The following PCDHGB4 variants were observed in gnomAD, a reference collection of about 807,000 sequenced individuals.
The protein encoded by PCDHGB4 is protocadherin gamma-B4.
PCDHGB4 carries 38 observed loss-of-function variants against 60.5 expected under a neutral mutation model. The observed-to-expected ratio is 0.63, with a 90% confidence interval of 0.48 to 0.82. The LOEUF is 0.82. PCDHGB4 is among the 40% of genes least tolerant of loss of function. The probability of loss-of-function intolerance (pLI) is 0.00; values close to 1 mark genes in which losing one functional copy is unlikely to be tolerated. For missense variants in PCDHGB4, 1,109 were observed against 1,209.6 expected (o/e 0.92, Z 1.23); for synonymous variants, 456 against 509.7 (o/e 0.89, Z 1.42).
chr5:141,415,147 C>A lies in PCDHGB4; in HGVS notation c.2397+24866C>A, dbSNP rs779194230. The A allele has an allele frequency of 9.9e-6, 16 of 1,613,668 alleles. No individual in the cohort carries two copies. Among genetic ancestry groups the A allele is most frequent in the African/African-American group, 1.3e-5 (1 of 74,952 alleles). On this transcript the variant is annotated intron_variant, in intron 1 of 3. Transcript: ENST00000519479. ...CGTCCAGGACCACGGCCAGCCCCCT[C>A]TCTCCGCCACTGTCACGCTCACCGT... is the stretch of plus-strand genomic sequence containing the variant.
Position 141,417,931 on chromosome 5 carries a change from G to C in PCDHGB4, c.2397+27650G>C, listed in dbSNP as rs551432799. The C allele has an allele frequency of 6.2e-6, 10 of 1,611,500 alleles. No homozygotes were observed. In the South Asian group the frequency reaches 9.9e-5, roughly 16 times the overall value. On this transcript the variant is annotated intron_variant, in intron 1 of 3. Transcript: ENST00000519479. ...TACTATTTCCTTTGCTGCTGCCTTT[G>C]TTCTACCCCACGCTGTGTGAGCCGA...
intron 3 of PCDHGB4, 78 bp from the exon 4 acceptor site, chr5:141,510,869 T>C: frequency 9.3e-6 from 15 of 1,608,708 alleles, no homozygotes; most frequent in Non-Finnish European, 1.3e-5. Flanking sequence ...AGGCATTCAT[T>C]AACTGCTGGG....
intron 3 of PCDHGB4, among the ~76,000 whole-genome samples, chr5:141,505,765 T>C (rs970212345): frequency 5.3e-5 from 8 of 151,922 alleles, no homozygotes; most frequent in African/African-American, 1.9e-4. Flanking sequence ...ACAGTGTAGC[T>C]CAGGTCCTAG....
chr5:141,396,326 A>T (rs1198474229), intron 1 of PCDHGB4: 3 of 152,326 alleles, frequency 2.0e-5, no homozygotes, highest in Admixed American at 1.3e-4. Context: ...TCTCTAAAAA[A>T]ACTATTATTA....
chr5:141,422,901 C>T (rs768086403), intron 1 of PCDHGB4: 5 of 1,614,276 alleles, frequency 3.1e-6, no homozygotes, highest in Non-Finnish European at 4.2e-6. Context: ...ACCAGAACGA[C>T]AATGCGCCCG....
At chr5:141,501,319 A>G (rs2099807834) in intron 2 of PCDHGB4, among the ~76,000 whole-genome samples, 1 of 151,710 alleles carries the variant, frequency 6.6e-6, no homozygotes, top group Non-Finnish European at 1.5e-5. Context: ...ACACACACAC[A>G]CACACACACA....
chr5:141,405,261 T>TC, intron 1 of PCDHGB4: 1 of 1,613,852 alleles, frequency 6.2e-7, no homozygotes. Context: ...CACCTGATCT[T>TC]CCCCCAGCCC....
At chr5:141,399,684 G>T in intron 1 of PCDHGB4, 1 of 1,613,538 alleles carries the variant, frequency 6.2e-7, no homozygotes, top group Non-Finnish European at 8.5e-7. Context: ...TTGACTACGA[G>T]CAGCTGCGCA....
rs36031641 is a variant in PCDHGB4 at position 141,434,771 on chromosome 5, T to TA, written c.2397+44503dup. ...CCCCTGATTCCCCACTTCACACTTCTAAAAAAAAAAAAATTTTTTTTTCTG... is the reference window on the plus strand; with the variant it reads ...CCCCTGATTCCCCACTTCACACTTCTAAAAAAAAAAAAAATTTTTTTTTCTG... On this transcript the variant is annotated intron_variant, in intron 1 of 3. Coordinates refer to ENST00000519479, the MANE Select transcript of PCDHGB4 (RefSeq NM_003736.4). Among the ~76,000 whole-genome samples, 71 of 145,288 alleles carry TA rather than the reference T, an allele frequency of 4.9e-4. 1 individual carries two copies. The highest frequency in any genetic ancestry group is 3.6e-3 in the Middle Eastern group (1 of 278).
At chr5:141,396,033 C>G (rs191318626) in intron 1 of PCDHGB4, 2 of 152,280 alleles carry the variant, frequency 1.3e-5, no homozygotes, top group South Asian at 2.1e-4. Flanking sequence ...TATGTAAGAA[C>G]ATATTTCAAT....
In PCDHGB4 at chr5:141,506,418, G is replaced by A. The variant is rs2099853241; in HGVS notation, c.2545+937G>A. Among the ~76,000 whole-genome samples, 3 of 141,160 alleles carry A rather than the reference G, an allele frequency of 2.1e-5. No homozygotes were observed. The South Asian group carries it at 6.6e-4, about 31-fold the overall frequency. 92.6% of individuals were successfully genotyped at this position (141,160 alleles called of 152,430 possible). The stretch of plus-strand genomic sequence containing the variant: ...CAGAAAATCGCACCACTGCACTCCA[G>A]CCTGGGCAACAGTCTCGCTCTGTCT... On this transcript the variant is annotated intron_variant, in intron 3 of 3. Coordinates refer to ENST00000519479, the MANE Select transcript of PCDHGB4 (RefSeq NM_003736.4).
chr5:141,500,184 T>TTTTA (rs58019021), intron 2 of PCDHGB4, among the ~76,000 whole-genome samples: 28,743 of 135,782 alleles, frequency 0.21, 3,285 homozygotes, highest in African/African-American at 0.3. Context: ...TCATTTTTAT[T>TTTTA]TTTATTTATT....
intron 1 of PCDHGB4, among the ~76,000 whole-genome samples, chr5:141,406,616 T>C (rs1226509680): frequency 1.3e-5 from 2 of 152,242 alleles, no homozygotes; most frequent in Non-Finnish European, 2.9e-5. Flanking sequence ...ACATCTTTTA[T>C]TCTCATATCT....
chr5:141,401,283 G>A (rs751622626), intron 1 of PCDHGB4, among the ~76,000 whole-genome samples: 2 of 152,044 alleles, frequency 1.3e-5, no homozygotes, highest in Non-Finnish European at 2.9e-5. Flanking sequence ...TGGAGGTTGC[G>A]GTGAGCCGAG....
intron 2 of PCDHGB4, among the ~76,000 whole-genome samples, chr5:141,497,293 C>T (rs1270907262): frequency 6.6e-6 from 1 of 152,136 alleles, no homozygotes. Flanking sequence ...TACCTACCAC[C>T]ACCCCAGGCC....
chr5:141,402,770 G>A (rs1381501918), intron 1 of PCDHGB4, among the ~76,000 whole-genome samples: 1 of 152,154 alleles, frequency 6.6e-6, no homozygotes, highest in Non-Finnish European at 1.5e-5. Context: ...GACTCCATCC[G>A]GATTTCCAGT....
At chr5:141,439,445 G>A (rs1030957687) in intron 1 of PCDHGB4, among the ~76,000 whole-genome samples, 5 of 152,102 alleles carry the variant, frequency 3.3e-5, no homozygotes, top group African/African-American at 4.8e-5. Flanking sequence ...ATTTTATTGC[G>A]GGAGCAAGAC....
intron 1 of PCDHGB4, chr5:141,428,173 CGGA>C (rs770477048): frequency 1.3e-6 from 2 of 1,514,730 alleles, no homozygotes. Context: ...CTGTGCGTGA[CGGA>C]GGACAGCCGC....
chr5:141,494,953 T>G, intron 2 of PCDHGB4, 88 bp downstream of exon 2: 1 of 1,604,164 alleles, frequency 6.2e-7, no homozygotes, highest in Non-Finnish European at 8.5e-7. Flanking sequence ...GCCCAGCATT[T>G]GCTACAGATG....
Sources: allele counts gnomAD v4.1 joint callset (sites outside exome capture counted in the v4.1 genomes callset), GRCh38; gene constraint gnomAD v4.1.1; transcripts MANE v1.5; gene names NCBI Gene and HGNC (gene_info 2026-07-23, HGNC 2026-07-21).